Variants in ANKS1B observed in about 807,000 individuals in gnomAD.
ANKS1B encodes ankyrin repeat and sterile alpha motif domain-containing protein 1B.
ANKS1B carries 36 observed loss-of-function variants against 148.3 expected under a neutral mutation model. The ratio of observed to expected loss-of-function variants is 0.24; its 90% CI spans 0.19 to 0.32. ANKS1B has a LOEUF of 0.32. ANKS1B is among the 10% of genes least tolerant of loss of function. ANKS1B has a pLI of 1.00. For synonymous variants in ANKS1B, 542 were observed against 560.8 expected (o/e 0.97, Z 0.47); for missense variants, 1,157 against 1,542.6 (o/e 0.75, Z 4.19).
chr12:99,621,863 A>AACG (rs2098056224), intron 9 of ANKS1B, among the ~76,000 whole-genome samples: 1 of 116,956 alleles, frequency 8.6e-6, no homozygotes. Flanking sequence ...GGCAGAAAAC[A>AACG]AAGAAATTCT....
intron 17 of ANKS1B, among the ~76,000 whole-genome samples, chr12:98,999,864 A>G (rs1006712581): frequency 8.5e-5 from 13 of 152,126 alleles, no homozygotes; most frequent in African/African-American, 1.4e-4. Context: ...TCTCCTAACA[A>G]TTCTCGTTTC....
chr12:99,239,278 C>A (rs564480418), intron 14 of ANKS1B, among the ~76,000 whole-genome samples: 3 of 152,196 alleles, frequency 2.0e-5, no homozygotes, highest in East Asian at 3.9e-4. Flanking sequence ...CATGCACAAG[C>A]ATCAATAGCT....
chr12:99,390,131 G>T (rs1478531996), intron 12 of ANKS1B, among the ~76,000 whole-genome samples: 1 of 152,120 alleles, frequency 6.6e-6, no homozygotes, highest in Non-Finnish European at 1.5e-5. Context: ...CAATAAAAAA[G>T]TAATAATACC....
At chr12:99,498,440 GAGT>G (rs1567217142) in intron 10 of ANKS1B, among the ~76,000 whole-genome samples, 10 of 152,088 alleles carry the variant, frequency 6.6e-5, no homozygotes, top group Admixed American at 1.3e-4. Context: ...CCCTTGCCTG[GAGT>G]GCCATACCTT....
chr12:99,016,871 G>T (rs996978329), intron 17 of ANKS1B, among the ~76,000 whole-genome samples: 1 of 152,158 alleles, frequency 6.6e-6, no homozygotes, highest in African/African-American at 2.4e-5. Flanking sequence ...CTGGAACTGG[G>T]CCTGCCCCAG....
intron 17 of ANKS1B, among the ~76,000 whole-genome samples, chr12:98,839,466 G>A (rs568051644): frequency 6.6e-6 from 1 of 152,112 alleles, no homozygotes; most frequent in South Asian, 2.1e-4. Context: ...GCCTAAAAGG[G>A]GTTTCTGTGG....
intron 15 of ANKS1B, among the ~76,000 whole-genome samples, chr12:99,137,049 A>G (rs1422641089): frequency 6.6e-6 from 1 of 152,202 alleles, no homozygotes; most frequent in Non-Finnish European, 1.5e-5. Context: ...TCAAGGACAC[A>G]AGAGAAGACC....
chr12:99,369,788 A>G (rs34059270), intron 12 of ANKS1B, among the ~76,000 whole-genome samples: 3,666 of 103,764 alleles, frequency 0.035, 62 homozygotes, highest in East Asian at 0.14. Context: ...ATAGATAGAT[A>G]GATGGACGGA....
chr12:98,904,664 G>A (rs1054517103), intron 17 of ANKS1B, among the ~76,000 whole-genome samples: 6 of 152,202 alleles, frequency 3.9e-5, no homozygotes, highest in African/African-American at 1.4e-4. Flanking sequence ...AACTCAGCAC[G>A]AAGATGCAGC....
At chr12:99,270,428 T>G (rs140398109) in intron 12 of ANKS1B, among the ~76,000 whole-genome samples, 2 of 152,186 alleles carry the variant, frequency 1.3e-5, no homozygotes, top group Non-Finnish European at 2.9e-5. Context: ...ATGTATCATC[T>G]TCCTATTTTA....
At chr12:99,827,659 A>G (rs923135170) in intron 1 of ANKS1B, among the ~76,000 whole-genome samples, 6 of 152,222 alleles carry the variant, frequency 3.9e-5, no homozygotes, top group African/African-American at 9.7e-5. Flanking sequence ...AAATATACAC[A>G]ATAAAATTTA....
chr12:99,154,151 G>T, intron 15 of ANKS1B, 138 bp downstream of exon 15: 1 of 1,035,454 alleles, frequency 9.7e-7, no homozygotes. Flanking sequence ...AGTCCTAAGG[G>T]CATCCAATTT....
intron 20 of ANKS1B, among the ~76,000 whole-genome samples, chr12:98,805,554 T>G (rs1378969657): frequency 6.6e-6 from 1 of 152,202 alleles, no homozygotes; most frequent in Non-Finnish European, 1.5e-5. Context: ...GTAATTAAAT[T>G]AAACATTCTC....
chr12:99,452,564 T>C (rs1367591579), intron 10 of ANKS1B, among the ~76,000 whole-genome samples: 1 of 152,214 alleles, frequency 6.6e-6, no homozygotes, highest in Non-Finnish European at 1.5e-5. Flanking sequence ...AGTAACTTTG[T>C]TGTAGTGATT....
At chr12:99,782,216 T>G (rs1176322584) in intron 4 of ANKS1B, 119 bp from the exon 5 acceptor site, 4 of 796,462 alleles carry the variant, frequency 5.0e-6, no homozygotes, top group Non-Finnish European at 7.9e-6. Context: ...CAGCTCTCCC[T>G]AACAGAAAGG....
chr12:99,939,128 G>C (rs2094854442), intron 1 of ANKS1B, among the ~76,000 whole-genome samples: 1 of 152,104 alleles, frequency 6.6e-6, no homozygotes, highest in Non-Finnish European at 1.5e-5. Context: ...GTCTTGCTCT[G>C]TCACCTAGAC....
In ANKS1B at chr12:99,246,831, G is replaced by C. The variant is rs1424910390; in HGVS notation, c.1790C>G (p.Pro597Arg). The change falls in exon 13 of 27, where the codon CCA (proline) becomes CGA (arginine). Residue 597 changes from proline to arginine, a missense_variant. Transcript: ENST00000683438. The stretch of plus-strand genomic sequence containing the variant: ...AAATTGCCCAGGATCATATTCTTTT[G>C]GGGGATCATTGTCATCCTGTCGGGA... ...DLSRQDDNDP[P>R]KEYDPGQFAG... The C allele has an allele frequency of 1.6e-5, 25 of 1,604,218 alleles. No individual in the cohort carries two copies. Among genetic ancestry groups the C allele is most frequent in the Non-Finnish European group, 2.0e-5 (24 of 1,177,750 alleles).
chr12:99,523,553 T>A (rs1485968431), intron 9 of ANKS1B, among the ~76,000 whole-genome samples: 1 of 137,482 alleles, frequency 7.3e-6, no homozygotes, highest in Admixed American at 7.3e-5. Flanking sequence ...GGCATCTTCT[T>A]TTTTTTTTTT....
intron 16 of ANKS1B, among the ~76,000 whole-genome samples, chr12:99,073,712 A>T (rs979915956): frequency 6.6e-6 from 1 of 152,132 alleles, no homozygotes; most frequent in Admixed American, 6.6e-5. Context: ...TTAAGCCTGA[A>T]ATGTAAAAGG....
Sources: gnomAD v4.1 joint callset for allele counts (sites outside exome capture counted in the v4.1 genomes callset) on GRCh38, gnomAD v4.1.1 for gene constraint, MANE v1.5 for transcripts, NCBI Gene and HGNC (gene_info 2026-07-23, HGNC 2026-07-21) for gene names.